WASF1: variants seen among roughly 807,000 people sequenced by gnomAD.
WASF1 encodes actin-binding protein WASF1.
A neutral mutation model predicts 50.5 loss-of-function variants in WASF1; 7 were observed. The observed-to-expected ratio is 0.14, with a 90% CI of 0.08 to 0.26. The LOEUF (loss-of-function observed/expected upper bound fraction) is 0.26. Ranked by LOEUF, WASF1 falls within the 10% of genes least tolerant of loss-of-function variation. WASF1 has a pLI of 1.00. For missense variants in WASF1, 470 were observed against 694.7 expected (o/e 0.68, Z 3.64); for synonymous variants, 205 against 244.0 (o/e 0.84, Z 1.49).
chr6:110,134,578 C>T (rs539675180), intron 3 of WASF1, among the ~76,000 whole-genome samples: 5 of 152,196 alleles, frequency 3.3e-5, no homozygotes, highest in Admixed American at 2.6e-4. Context: ...GTGCCCACCA[C>T]CACGCCTGGC....
intron 2 of WASF1, among the ~76,000 whole-genome samples, chr6:110,170,913 A>T (rs1185617353): frequency 6.6e-6 from 1 of 152,190 alleles, no homozygotes; most frequent in Non-Finnish European, 1.5e-5. Context: ...CTTAATGTAT[A>T]TGCACCTAAC....
At chr6:110,148,668 T>C (rs1396652899) in intron 3 of WASF1, among the ~76,000 whole-genome samples, 1 of 152,150 alleles carries the variant, frequency 6.6e-6, no homozygotes, top group Non-Finnish European at 1.5e-5. Context: ...TGGAAAACCC[T>C]TGAAGGGTTT....
intron 4 of WASF1, among the ~76,000 whole-genome samples, chr6:110,120,985 T>A (rs1003052730): frequency 1.3e-5 from 2 of 152,188 alleles, no homozygotes; most frequent in African/African-American, 4.8e-5. Flanking sequence ...GCTAGCCATA[T>A]GAAGAAAGCT....
In WASF1 at chr6:110,100,274, C is replaced by G. The variant is rs967910461; in HGVS notation, c.*248G>C. 1 of 377,064 alleles carries G rather than the reference C, an allele frequency of 2.7e-6. No homozygotes were observed. The highest frequency in any genetic ancestry group is 4.8e-6 in the Non-Finnish European group (1 of 208,886). 23.4% of individuals were successfully genotyped at this position (377,064 alleles called of 1,614,324 possible). On this transcript the variant is annotated 3_prime_UTR_variant, in exon 11 of 11. Transcript: ENST00000392589. ...GCTACTCTAACAACAGCTGTCCATG[C>G]TTAATACTTAGTGGTTTATTTGACC...
At chr6:110,122,023 C>T (rs911863545) in intron 4 of WASF1, among the ~76,000 whole-genome samples, 5 of 144,642 alleles carry the variant, frequency 3.5e-5, no homozygotes, top group Non-Finnish European at 6.0e-5. Context: ...ATCACATACC[C>T]GGGTCTGTCG....
chr6:110,149,033 G>A (rs1775705298), intron 3 of WASF1, among the ~76,000 whole-genome samples: 1 of 152,076 alleles, frequency 6.6e-6, no homozygotes, highest in Admixed American at 6.6e-5. Flanking sequence ...AAAGTCTATG[G>A]GATTAGGAAA....
chr6:110,124,270 C>CTATATATATA (rs1472747620), intron 4 of WASF1, among the ~76,000 whole-genome samples: 3 of 52,466 alleles, frequency 5.7e-5, no homozygotes, highest in Admixed American at 2.3e-4. Flanking sequence ...CTCTCTCTCT[C>CTATATATATA]TCTCTATATA....
chr6:110,177,452 G>C (rs773854900), intron 2 of WASF1, among the ~76,000 whole-genome samples: 2 of 151,956 alleles, frequency 1.3e-5, no homozygotes, highest in African/African-American at 2.4e-5. Context: ...ATTCTAATAT[G>C]CCATGGAAAA....
intron 4 of WASF1, among the ~76,000 whole-genome samples, chr6:110,124,274 C>CTCTCTCTA (rs1331534646): frequency 1.0e-3 from 21 of 20,498 alleles, no homozygotes; most frequent in East Asian, 5.3e-3. Context: ...CTCTCTCTCT[C>CTCTCTCTA]TATATATATA....
intron 5 of WASF1, 97 bp downstream of exon 5, chr6:110,113,228 TC>T: frequency 9.3e-7 from 1 of 1,075,430 alleles, no homozygotes; most frequent in Non-Finnish European, 1.2e-6. Context: ...ATGGGTATGA[TC>T]TGTAATAAAT....
intron 3 of WASF1, among the ~76,000 whole-genome samples, chr6:110,150,434 C>T (rs773974689): frequency 5.9e-5 from 9 of 152,104 alleles, no homozygotes; most frequent in East Asian, 3.8e-4. Context: ...CAGCTAGCCA[C>T]AAGTTGCTAA....
rs534462308 is a variant in WASF1 at position 110,155,308 on chromosome 6, AC to A, written c.-29+5326del. Among the ~76,000 whole-genome samples, 748 of 152,208 alleles carry A rather than the reference AC, an allele frequency of 4.9e-3. 2 individuals are homozygous for A. The highest frequency in any genetic ancestry group is 7.5e-3 in the Admixed American group (114 of 15,260). On this transcript the variant is annotated intron_variant, in intron 3 of 10. Transcript: ENST00000392589. ...GCTATAAGCACAAACTGGAACAGAAACTAAAAAGGTAGATTTGGTTAAACTA... is the reference window on the plus strand; with the variant it reads ...GCTATAAGCACAAACTGGAACAGAAATAAAAAGGTAGATTTGGTTAAACTA...
At chr6:110,115,489 A>T (rs929220789) in intron 4 of WASF1, among the ~76,000 whole-genome samples, 14 of 152,250 alleles carry the variant, frequency 9.2e-5, no homozygotes, top group Non-Finnish European at 7.3e-5. Context: ...GTACCTTGCC[A>T]GTAAGGGAAT....
chr6:110,113,688 A>C (rs1773672244), intron 4 of WASF1, among the ~76,000 whole-genome samples: 1 of 152,174 alleles, frequency 6.6e-6, no homozygotes, highest in Non-Finnish European at 1.5e-5. Context: ...GTCCACTTAC[A>C]TGTGGATTTT....
At position 110,129,785 on chromosome 6, in the gene WASF1, T is replaced by C. The variant is rs566935734; in HGVS notation, c.-28-2156A>G. 6.0e-4 allele frequency among the ~76,000 whole-genome samples: 91 copies of C among 152,354 alleles called. 1 individual carries two copies. The highest frequency in any genetic ancestry group is 2.1e-3 in the African/African-American group (86 of 41,578). On this transcript the variant is annotated intron_variant, in intron 3 of 10. Coordinates refer to ENST00000392589, the MANE Select transcript of WASF1 (RefSeq NM_003931.3). Reference sequence around the variant, plus strand: ...ATTGATTCCAATATCTTCAATGACATTGTGCTAAGTAAATACTTCTAAATT... The same window carrying C: ...ATTGATTCCAATATCTTCAATGACACTGTGCTAAGTAAATACTTCTAAATT...
intron 3 of WASF1, among the ~76,000 whole-genome samples, chr6:110,142,341 C>T (rs1775283477): frequency 1.3e-5 from 2 of 152,060 alleles, no homozygotes; most frequent in Admixed American, 1.3e-4. Flanking sequence ...TAAAATAGTG[C>T]CTTTAGGTAC....
intron 3 of WASF1, among the ~76,000 whole-genome samples, chr6:110,141,903 C>G (rs1775258075): frequency 1.3e-5 from 2 of 151,888 alleles, no homozygotes; most frequent in Non-Finnish European, 2.9e-5. Flanking sequence ...TCCTGAGTAG[C>G]TGGGATTACA....
At chr6:110,121,923 C>T (rs917312397) in intron 4 of WASF1, among the ~76,000 whole-genome samples, 4 of 151,906 alleles carry the variant, frequency 2.6e-5, no homozygotes, top group African/African-American at 7.3e-5. Flanking sequence ...TCTAAAAAAA[C>T]TATCACAAGG....
intron 3 of WASF1, among the ~76,000 whole-genome samples, chr6:110,160,134 C>T (rs375553701): frequency 2.7e-4 from 41 of 151,886 alleles, no homozygotes; most frequent in African/African-American, 9.2e-4. Flanking sequence ...GTTAGTTATA[C>T]TTGTTACATC....
Sources: allele counts gnomAD v4.1 joint callset (sites outside exome capture counted in the v4.1 genomes callset), GRCh38; gene constraint gnomAD v4.1.1; transcripts MANE v1.5; gene names NCBI Gene and HGNC (gene_info 2026-07-23, HGNC 2026-07-21).